The following BRF1 variants were observed in gnomAD, a reference collection of about 807,000 sequenced individuals.
The protein encoded by BRF1 is transcription factor IIIB 90 kDa subunit.
Under a neutral mutation model 81.7 loss-of-function variants are expected in BRF1, and 59 were observed. The observed-to-expected ratio is 0.72, with a 90% CI of 0.59 to 0.90. The LOEUF (loss-of-function observed/expected upper bound fraction) is 0.90, where lower values mean the gene tolerates loss of function less well. BRF1 is among the 40% of genes least tolerant of loss of function. BRF1 has a pLI of 0.00. For missense variants in BRF1, 1,050 were observed against 936.3 expected (o/e 1.12, Z -1.58); for synonymous variants, 491 against 395.6 (o/e 1.24, Z -2.86).
At chr14:105,217,441 C>T (rs1168834744) in intron 15 of BRF1, 103 bp downstream of exon 15, 4 of 1,532,816 alleles carry the variant, frequency 2.6e-6, no homozygotes, top group African/African-American at 2.7e-5. Flanking sequence ...CCAGGCACTT[C>T]TGTGGCCCCG....
chr14:105,248,535 A>G, intron 5 of BRF1: 18 of 914,312 alleles, frequency 2.0e-5, no homozygotes, highest in Non-Finnish European at 2.3e-5. Context: ...GCCCTGACGC[A>G]GCGTGACGCA....
At chr14:105,247,387 A>C (rs1232403446) in intron 5 of BRF1, 1 of 985,124 alleles carries the variant, frequency 1.0e-6, no homozygotes. Flanking sequence ...TTCCTGGGAG[A>C]AATGATGATT....
chr14:105,221,852 C>T lies in BRF1; in HGVS notation c.1111G>A (p.Glu371Lys), dbSNP rs889517414. The T allele has an allele frequency of 3.1e-6, 5 of 1,605,780 alleles. No individual in the cohort carries two copies. In the African/African-American group the frequency reaches 6.7e-5, roughly 21 times the overall value. Residue 371 changes from glutamate to lysine, a missense_variant, in exon 11 of 18, where the codon GAA becomes AAA. This residue lies in a region of BRF1 where 1,043 missense variants were observed against 915.4 expected (regional missense o/e 1.14). Transcript: ENST00000547530. ...GEEDTEDEEL[E>K]AAASHLNKDL... is the part of the protein sequence containing the mutation. Reference sequence around the variant, plus strand: ...TTGTTCAGGTGGCTGGCCGCGGCTTCCAGCTCCTCGTCCTCTGTGTCCTCC... The same window carrying T: ...TTGTTCAGGTGGCTGGCCGCGGCTTTCAGCTCCTCGTCCTCTGTGTCCTCC...
At chr14:105,296,530 A>T (rs147882889) in intron 1 of BRF1, among the ~76,000 whole-genome samples, 3 of 151,002 alleles carry the variant, frequency 2.0e-5, no homozygotes, top group African/African-American at 7.3e-5. Context: ...AAAACAAAAA[A>T]CTTAGCTGGG....
intron 1 of BRF1, among the ~76,000 whole-genome samples, chr14:105,294,159 C>T (rs1297280799): frequency 6.6e-6 from 1 of 152,190 alleles, no homozygotes; most frequent in Admixed American, 6.5e-5. Context: ...CCTCTCTCCT[C>T]CCCACTCTCG....
At position 105,272,949 on chromosome 14, in the gene BRF1, G is replaced by C. The variant is rs373113410; in HGVS notation, c.266-55C>G. The stretch of plus-strand genomic sequence containing the variant: ...CAAATGTTCCCACAGAACATGAAAA[G>C]TATCACACGGCCACAGCAGCAACTT... On this transcript the variant is annotated intron_variant, in intron 2 of 17. Coordinates refer to ENST00000547530, the MANE Select transcript of BRF1 (RefSeq NM_001519.4). 2.8e-5 allele frequency: 42 copies of C among 1,498,262 alleles called. No homozygotes were observed. The East Asian group carries it at 8.6e-4, about 31-fold the overall frequency. The allele number at this position is 1,498,262 out of a possible 1,614,324, so 92.8% of individuals were successfully genotyped here. A position where few individuals can be genotyped will look rare whatever the true frequency, so the allele number is the denominator to read the frequency against.
At chr14:105,213,628 C>T (rs2141370100) in intron 15 of BRF1, among the ~76,000 whole-genome samples, 1 of 152,180 alleles carries the variant, frequency 6.6e-6, no homozygotes, top group Admixed American at 6.5e-5. Context: ...GGGACACACC[C>T]TCCCTCCCCC....
At chr14:105,264,382 T>C (rs1289365751) in intron 3 of BRF1, among the ~76,000 whole-genome samples, 1 of 151,578 alleles carries the variant, frequency 6.6e-6, no homozygotes, top group African/African-American at 2.4e-5. Context: ...AAAAAATTGA[T>C]GGCCAGGCGC....
intron 2 of BRF1, among the ~76,000 whole-genome samples, chr14:105,281,836 C>A (rs1414056672): frequency 6.6e-6 from 1 of 151,722 alleles, no homozygotes; most frequent in East Asian, 1.9e-4. Flanking sequence ...GCTTTCTGAG[C>A]TGCTGCAGGC....
chr14:105,256,358 C>T, intron 4 of BRF1, 160 bp downstream of exon 4: 11 of 1,566,750 alleles, frequency 7.0e-6, no homozygotes, highest in Non-Finnish European at 9.5e-6. Flanking sequence ...GTCATGAAGG[C>T]CCCTCATCCT....
At chr14:105,252,386 T>C (rs2055664246) in intron 5 of BRF1, 121 bp downstream of exon 5, 2 of 1,445,846 alleles carry the variant, frequency 1.4e-6, no homozygotes, top group Middle Eastern at 4.8e-4. Flanking sequence ...TTAAGAAACA[T>C]TTCTTACCTT....
At position 105,272,889 on chromosome 14, in the gene BRF1, G is replaced by A. The variant is rs773225381; in HGVS notation, c.271C>T (p.Arg91Cys). 45 of 1,611,836 alleles carry A rather than the reference G, an allele frequency of 2.8e-5. No individual in the cohort carries two copies. The East Asian group carries it at 3.8e-4, about 14-fold the overall frequency. ...SRAQTLQNGR[R>C]HIHHLGNQLQ... ...TGGTTCCCCAGGTGGTGGATGTGGCGCCTCCCTAGGACACAGCACGAGGCA... is the reference window on the plus strand; with the variant it reads ...TGGTTCCCCAGGTGGTGGATGTGGCACCTCCCTAGGACACAGCACGAGGCA... The change falls in exon 3 of 18, where the codon CGC becomes TGC. Residue 91 changes from arginine to cysteine, a missense_variant. Coordinates refer to ENST00000547530, the MANE Select transcript of BRF1 (RefSeq NM_001519.4).
rs1008661206 is a variant in BRF1 at position 105,297,408 on chromosome 14, A to G, written c.184+3038T>C. On this transcript the variant is annotated intron_variant, in intron 1 of 17. Transcript: ENST00000547530. Reference sequence around the variant, plus strand: ...GTGGTGAAACCCCGTCTCTACTAAAAAATATACAAAAATTAGCTGGGTGTG... The same window carrying G: ...GTGGTGAAACCCCGTCTCTACTAAAGAATATACAAAAATTAGCTGGGTGTG... 2.0e-5 allele frequency among the ~76,000 whole-genome samples: 3 copies of G among 151,740 alleles called. No homozygotes were observed. In the South Asian group the frequency reaches 6.2e-4, roughly 32 times the overall value.
intron 3 of BRF1, among the ~76,000 whole-genome samples, chr14:105,264,050 C>G (rs904642637): frequency 1.3e-5 from 2 of 151,656 alleles, no homozygotes; most frequent in Non-Finnish European, 2.9e-5. Flanking sequence ...AAAGACAAGA[C>G]CAAAGGAACA....
rs188351899 is a variant in BRF1 at position 105,315,398 on chromosome 14, G to C, written c.-238C>G. On this transcript the variant is annotated 5_prime_UTR_variant, in exon 1 of 18. Transcript: ENST00000327359. The surrounding 1 kb of genome is among the most constrained non-coding windows in gnomAD (Gnocchi z 4.4). ...GGGTGACGAGGGTGCTTCCTCTCTCGGGTACCACACGCTTCCTTTCGCGTT... is the reference window on the plus strand; with the variant it reads ...GGGTGACGAGGGTGCTTCCTCTCTCCGGTACCACACGCTTCCTTTCGCGTT... 1.3e-5 allele frequency: 2 copies of C among 152,412 alleles called. No homozygotes were observed. Among genetic ancestry groups the C allele is most frequent in the African/African-American group, 4.8e-5 (2 of 41,580 alleles). 9.4% of individuals were successfully genotyped at this position (152,412 alleles called of 1,614,324 possible). A position where few individuals can be genotyped will look rare whatever the true frequency, so the allele number is the denominator to read the frequency against.
At chr14:105,305,623 G>C (rs1002470147), upstream of BRF1, among the ~76,000 whole-genome samples, 1 of 152,186 alleles carries the variant, frequency 6.6e-6, no homozygotes, top group African/African-American at 2.4e-5. Context: ...CTGAGGCAGG[G>C]AGTAACGCTC....
chr14:105,229,449 G>A (rs1480677392), intron 6 of BRF1, among the ~76,000 whole-genome samples: 3 of 152,234 alleles, frequency 2.0e-5, no homozygotes, highest in East Asian at 1.9e-4. Context: ...AGTGGACTCT[G>A]TGGGCACGAG....
chr14:105,307,671 C>T (rs1163419634), intron 1 of BRF1, among the ~76,000 whole-genome samples: 3 of 152,256 alleles, frequency 2.0e-5, no homozygotes, highest in African/African-American at 7.2e-5. Context: ...CTCACCTTCT[C>T]ACCTGCTGCC....
intron 2 of BRF1, among the ~76,000 whole-genome samples, chr14:105,278,939 G>T (rs1047617080): frequency 1.3e-5 from 2 of 152,124 alleles, no homozygotes; most frequent in South Asian, 2.1e-4. Context: ...AGCTACTCGG[G>T]AGGCTAAGGC....
Sources: gnomAD v4.1 joint callset for allele counts (sites outside exome capture counted in the v4.1 genomes callset) on GRCh38, gnomAD v4.1.1 for gene constraint, gnomAD v4.1.1 regional missense constraint, Gnocchi (gnomAD v3.1) non-coding constraint, MANE v1.5 for transcripts, NCBI Gene and HGNC (gene_info 2026-07-23, HGNC 2026-07-21) for gene names.